Variants in KY observed in about 807,000 individuals in gnomAD.
KY encodes the protein kyphoscoliosis peptidase.
KY carries 43 observed loss-of-function variants against 76.1 expected under a neutral mutation model. That is an observed-to-expected ratio of 0.57 (90% confidence interval 0.44 to 0.73). The LOEUF (loss-of-function observed/expected upper bound fraction) is 0.73, where lower values mean the gene tolerates loss of function less well. Among genes scored for constraint, KY ranks in the 30% least tolerant of loss-of-function variants. The pLI, the probability that KY is intolerant of heterozygous loss-of-function variation, is 0.00. For synonymous variants in KY, 277 were observed against 326.2 expected (o/e 0.85, Z 1.63); for missense variants, 722 against 828.9 (o/e 0.87, Z 1.58).
At chr3:134,648,768 G>A (rs535710402) in intron 1 of KY, among the ~76,000 whole-genome samples, 33 of 152,246 alleles carry the variant, frequency 2.2e-4, no homozygotes, top group African/African-American at 6.3e-4. Context: ...AGGGCCACTC[G>A]TTACGGATTA....
chr3:134,639,755 G>A (rs1341510871), intron 3 of KY: 1 of 150,732 alleles, frequency 6.6e-6, no homozygotes, highest in East Asian at 1.9e-4. Flanking sequence ...AGACCATTCT[G>A]AGCAACATAG....
chr3:134,639,191 T>G (rs1965400017), intron 3 of KY, among the ~76,000 whole-genome samples: 1 of 152,080 alleles, frequency 6.6e-6, no homozygotes, highest in Non-Finnish European at 1.5e-5. Context: ...ATGCTGTGAT[T>G]CCACCCAGGA....
chr3:134,645,483 G>A (rs1316372812), intron 2 of KY, among the ~76,000 whole-genome samples: 1 of 152,200 alleles, frequency 6.6e-6, no homozygotes, highest in Non-Finnish European at 1.5e-5. Flanking sequence ...ACCAGGGCTG[G>A]GTGCCTTGGG....
chr3:134,612,137 C>A (rs113591007), intron 8 of KY, among the ~76,000 whole-genome samples: 1 of 152,148 alleles, frequency 6.6e-6, no homozygotes, highest in East Asian at 1.9e-4. Context: ...AGTTTTCTAG[C>A]CCCCGCCCTT....
intron 3 of KY, among the ~76,000 whole-genome samples, chr3:134,640,638 C>T (rs559172245): frequency 2.1e-4 from 32 of 152,168 alleles, no homozygotes; most frequent in Non-Finnish European, 3.5e-4. Flanking sequence ...CATGGAGTAA[C>T]GATTCCCTGG....
Position 134,604,031 on chromosome 3 carries a change from T to C in KY, c.1534A>G (p.Ile512Val). ...TGCTTCTCCCGGTGCAGCTGGAAGA[T>C]GTAGCGCCGCTGTGTCTCCTCAGTG... ...PITEETQRRY[I>V]FQLHREKQTE... The change falls in exon 11 of 11, where the codon ATC becomes GTC. Residue 512 changes from isoleucine (I) to valine (V), a missense_variant. Physicochemically the swap from Ile to Val is conservative, Grantham distance 29. Transcript: ENST00000423778. 1.9e-6 allele frequency: 3 copies of C among 1,613,876 alleles called. No homozygotes were observed. The highest frequency in any genetic ancestry group is 4.5e-5 in the East Asian group (2 of 44,890).
At position 134,601,024 on chromosome 3, in the gene KY, G is replaced by C. The variant is rs1958939472; in HGVS notation, c.*2555C>G. ...AGCTCCGCACTTCGGACACCTGGGG[G>C]CGCCCGTGCCATTCCGCCGGCGACT... is the stretch of plus-strand genomic sequence containing the variant. On this transcript the variant is annotated 3_prime_UTR_variant, in exon 11 of 11. Coordinates refer to ENST00000423778, the MANE Select transcript of KY (RefSeq NM_178554.6). The C allele has an allele frequency of 6.6e-6, 1 of 152,236 alleles. No individual in the cohort carries two copies. Among genetic ancestry groups the C allele is most frequent in the African/African-American group, 2.4e-5 (1 of 41,452 alleles). 9.4% of individuals were successfully genotyped at this position (152,236 alleles called of 1,614,324 possible).
intron 8 of KY, chr3:134,615,061 T>TTATGTCA (rs1188636086): frequency 2.0e-4 from 31 of 152,248 alleles, no homozygotes; most frequent in Admixed American, 2.0e-3. Flanking sequence ...TTTATGTACT[T>TTATGTCA]GATTTCTTAT....
Position 134,604,179 on chromosome 3 carries a change from G to A in KY, c.1386C>T (p.Gly462=), listed in dbSNP as rs753460547. 6.2e-7 allele frequency: 1 copy of A among 1,610,506 alleles called. No homozygotes were observed. Among genetic ancestry groups the A allele is most frequent in the Admixed American group, 1.7e-5 (1 of 59,486 alleles). ...VGPSWFSEQM[G]IMKPSHPDPI... ...GGTCAGGGTGGGAGGGCTTCATGAT[G>A]CCCATCTGCTCCGAGAACCAGCTGG... Residue 462 remains glycine (G), a synonymous_variant, in exon 11 of 11, where the codon GGC becomes GGT. Coordinates refer to ENST00000423778, the MANE Select transcript of KY (RefSeq NM_178554.6).
At chr3:134,608,076 GC>G in intron 10 of KY, 2 of 1,104,018 alleles carry the variant, frequency 1.8e-6, no homozygotes, top group Non-Finnish European at 2.2e-6. Context: ...GGGTGGGACT[GC>G]CCCCACCTGT....
chr3:134,647,565 T>A, intron 1 of KY, 68 bp from the exon 2 acceptor site: 2 of 909,726 alleles, frequency 2.2e-6, no homozygotes, highest in South Asian at 2.9e-5. Context: ...AGTTGCAGAC[T>A]TATCTAGGTT....
At chr3:134,643,475 C>A in intron 2 of KY, 97 bp from the exon 3 acceptor site, 1 of 1,014,410 alleles carries the variant, frequency 9.9e-7, no homozygotes, top group Non-Finnish European at 1.5e-6. Context: ...GGTGGGCTGG[C>A]GGGGGCCAAG....
intron 2 of KY, among the ~76,000 whole-genome samples, chr3:134,647,070 G>A (rs549332445): frequency 2.6e-5 from 4 of 152,330 alleles, no homozygotes; most frequent in South Asian, 2.1e-4. Context: ...CAAGGCAGAC[G>A]ACTATCCTCT....
rs552962039 is a variant in KY, at chr3:134,646,786, G to A, written c.199+649C>T. Among the ~76,000 whole-genome samples the A allele has an allele frequency of 3.3e-5, 5 of 152,274 alleles. No individual in the cohort carries two copies. The South Asian group carries it at 1.0e-3, about 32-fold the overall frequency. ...CTGGGGCTCTGGGAGTAGAGGTTTG[G>A]TCTCTATTAGAACCTTCACGTGCCC... On this transcript the variant is annotated intron_variant, in intron 2 of 10. Transcript: ENST00000423778.
At chr3:134,628,179 A>C in intron 4 of KY, 1 of 273,724 alleles carries the variant, frequency 3.7e-6, no homozygotes, top group Non-Finnish European at 7.1e-6. Flanking sequence ...ACTGCCAGAT[A>C]ATGCCGGGAT....
chr3:134,614,471 A>T (rs916561387), intron 8 of KY, among the ~76,000 whole-genome samples: 1 of 151,652 alleles, frequency 6.6e-6, no homozygotes, highest in African/African-American at 2.4e-5. Flanking sequence ...TGCAGCCCCC[A>T]CTCTCCAGCA....
At chr3:134,630,181 G>A (rs1216115925) in intron 3 of KY, among the ~76,000 whole-genome samples, 1 of 152,188 alleles carries the variant, frequency 6.6e-6, no homozygotes, top group Non-Finnish European at 1.5e-5. Context: ...AGTGAGAAAG[G>A]GAACCCCTAA....
intron 6 of KY, among the ~76,000 whole-genome samples, chr3:134,623,153 G>T (rs1311690551): frequency 6.6e-6 from 1 of 152,158 alleles, no homozygotes; most frequent in Non-Finnish European, 1.5e-5. Context: ...CTGGTCCTTT[G>T]GTCCCCACCT....
At chr3:134,624,648 T>G (rs1349205419) in intron 6 of KY, among the ~76,000 whole-genome samples, 1 of 152,224 alleles carries the variant, frequency 6.6e-6, no homozygotes, top group Non-Finnish European at 1.5e-5. Flanking sequence ...GCTGTGATTA[T>G]AATGGTCCTG....
Sources: gnomAD v4.1 joint callset for allele counts (sites outside exome capture counted in the v4.1 genomes callset) on GRCh38, gnomAD v4.1.1 for gene constraint, MANE v1.5 for transcripts, NCBI Gene and HGNC (gene_info 2026-07-23, HGNC 2026-07-21) for gene names.